Variants in MPHOSPH9 observed in about 807,000 individuals in gnomAD.
The protein encoded by MPHOSPH9 is M-phase phosphoprotein 9.
Under a neutral mutation model 145.5 loss-of-function variants are expected in MPHOSPH9, and 88 were observed. The ratio of observed to expected loss-of-function variants is 0.60; its 90% CI spans 0.51 to 0.72. The LOEUF (loss-of-function observed/expected upper bound fraction) is 0.72, where lower values mean the gene tolerates loss of function less well. MPHOSPH9 is among the 30% of genes least tolerant of loss of function. MPHOSPH9 has a pLI of 0.00. For missense variants in MPHOSPH9, 1,238 were observed against 1,386.6 expected, an observed-to-expected ratio of 0.89 and a Z score of 1.70; for synonymous variants, 435 against 486.2, an observed-to-expected ratio of 0.89 and a Z score of 1.39.
intron 15 of MPHOSPH9, among the ~76,000 whole-genome samples, chr12:123,177,097 G>C (rs796283381): frequency 1.8e-4 from 28 of 152,220 alleles, no homozygotes; most frequent in African/African-American, 6.7e-4. Flanking sequence ...GGCTGAGGCA[G>C]GAGAATCACT....
At chr12:123,171,512 G>A (rs1183106659) in intron 16 of MPHOSPH9, among the ~76,000 whole-genome samples, 3 of 151,812 alleles carry the variant, frequency 2.0e-5, no homozygotes, top group Non-Finnish European at 4.4e-5. Flanking sequence ...ACTTTGGGAG[G>A]CTGAGGTGGG....
chr12:123,168,945 C>T (rs188483744), intron 16 of MPHOSPH9, among the ~76,000 whole-genome samples: 13 of 151,098 alleles, frequency 8.6e-5, no homozygotes, highest in Admixed American at 5.3e-4. Flanking sequence ...AGTGCAGTGG[C>T]GCGATCTCGG....
At chr12:123,173,546 C>G (rs1462372410) in intron 16 of MPHOSPH9, among the ~76,000 whole-genome samples, 2 of 152,114 alleles carry the variant, frequency 1.3e-5, no homozygotes, top group Non-Finnish European at 2.9e-5. Context: ...AACAGAAAGG[C>G]CTTGCTGGGT....
rs527336241 is a variant in MPHOSPH9 at position 123,183,377 on chromosome 12, G to A, written c.2242-2167C>T. On this transcript the variant is annotated intron_variant, in intron 13 of 23. Transcript: ENST00000606320. ...AGCCTGGCTAACATAGCGAAACCCC[G>A]TCTCTACTAAAAATACAAAAATTAG... Among the ~76,000 whole-genome samples, 19 of 151,602 alleles carry A rather than the reference G, an allele frequency of 1.3e-4. 1 individual carries two copies. The highest frequency in any genetic ancestry group is 4.4e-4 in the African/African-American group (18 of 41,352).
Position 123,243,335 on chromosome 12 carries a change from C to T in MPHOSPH9, c.-159+518G>A, listed in dbSNP as rs901879927. On this transcript the variant is annotated intron_variant, in intron 1 of 2. Transcript: ENST00000545406. Reference sequence around the variant, plus strand: ...CACGAGGTCAGGAAATCGAGAACAGCCTGGCTAACATGGCAAAACCCCGTC... The same window carrying T: ...CACGAGGTCAGGAAATCGAGAACAGTCTGGCTAACATGGCAAAACCCCGTC... Among the ~76,000 whole-genome samples, 99 of 151,902 alleles carry T rather than the reference C, an allele frequency of 6.5e-4. 1 individual carries two copies. The highest frequency in any genetic ancestry group is 2.3e-3 in the African/African-American group (97 of 41,416).
rs762511831 is a variant in MPHOSPH9, at chr12:123,230,414, GCTGT to G, written c.-54_-51del. 3 of 1,181,420 alleles carry G rather than the reference GCTGT, an allele frequency of 2.5e-6. No individual in the cohort carries two copies. In the South Asian group the frequency reaches 4.4e-5, roughly 17 times the overall value. The allele number at this position is 1,181,420 out of a possible 1,614,324, so 73.2% of individuals were successfully genotyped here. Reference sequence around the variant, plus strand: ...CTTATTGGAAAATAAAGGTTCTTGGGCTGTTTGAGAAAAATGAATCCGTGTCATC... The same window carrying G: ...CTTATTGGAAAATAAAGGTTCTTGGGTTGAGAAAAATGAATCCGTGTCATC... On this transcript the variant is annotated 5_prime_UTR_variant, in exon 2 of 24. An upstream open reading frame in the 5' UTR loses its in-frame stop. Coordinates refer to ENST00000606320, the MANE Select transcript of MPHOSPH9 (RefSeq NM_022782.4).
At chr12:123,178,955 T>C (rs1472107901) in intron 15 of MPHOSPH9, among the ~76,000 whole-genome samples, 1 of 152,200 alleles carries the variant, frequency 6.6e-6, no homozygotes, top group Non-Finnish European at 1.5e-5. Flanking sequence ...ATAATTTTGG[T>C]GTTAATGCTG....
intron 13 of MPHOSPH9, among the ~76,000 whole-genome samples, chr12:123,192,970 G>A (rs1183447160): frequency 6.7e-6 from 1 of 150,202 alleles, no homozygotes; most frequent in East Asian, 2.0e-4. Flanking sequence ...TACTCAGGAG[G>A]CTGAGGCAGG....
At chr12:123,164,958 G>C (rs1055014425) in intron 18 of MPHOSPH9, among the ~76,000 whole-genome samples, 1 of 137,188 alleles carries the variant, frequency 7.3e-6, no homozygotes, top group African/African-American at 2.8e-5. Flanking sequence ...GCAGTGAGCT[G>C]AGATTACGCA....
chr12:123,171,664 G>T (rs571056547), intron 16 of MPHOSPH9, among the ~76,000 whole-genome samples: 8 of 148,908 alleles, frequency 5.4e-5, no homozygotes, highest in Non-Finnish European at 1.0e-4. Flanking sequence ...CAGGAGAATC[G>T]CTTGAACATG....
intron 16 of MPHOSPH9, among the ~76,000 whole-genome samples, chr12:123,173,888 G>C (rs930606597): frequency 1.3e-5 from 2 of 152,210 alleles, no homozygotes; most frequent in Non-Finnish European, 2.9e-5. Context: ...CAAACCCAAA[G>C]AGAGGGCTGT....
chr12:123,193,250 AATAG>A (rs1486958873), intron 13 of MPHOSPH9, among the ~76,000 whole-genome samples: 2 of 151,546 alleles, frequency 1.3e-5, no homozygotes, highest in African/African-American at 4.8e-5. Flanking sequence ...GTATGTCTGA[AATAG>A]ATGGAAAAAA....
upstream of MPHOSPH9, among the ~76,000 whole-genome samples, chr12:123,238,018 C>T (rs1383308703): frequency 6.6e-6 from 1 of 151,886 alleles, no homozygotes; most frequent in Non-Finnish European, 1.5e-5. Context: ...GCTGCAGCCT[C>T]CCGAGTAGCC....
intron 8 of MPHOSPH9, among the ~76,000 whole-genome samples, chr12:123,207,470 G>C (rs769506396): frequency 2.0e-5 from 3 of 152,154 alleles, no homozygotes; most frequent in Non-Finnish European, 4.4e-5. Context: ...CCATCTGTCT[G>C]TCTGTATATG....
chr12:123,225,053 T>C (rs766549205), intron 3 of MPHOSPH9, among the ~76,000 whole-genome samples: 5 of 152,202 alleles, frequency 3.3e-5, no homozygotes, highest in Non-Finnish European at 5.9e-5. Flanking sequence ...TAGGATAGTA[T>C]ATTGATTTTT....
At chr12:123,199,820 G>T (rs1433478919) in intron 11 of MPHOSPH9, among the ~76,000 whole-genome samples, 1 of 150,720 alleles carries the variant, frequency 6.6e-6, no homozygotes, top group Non-Finnish European at 1.5e-5. Context: ...AAGAAAAAAA[G>T]ATTATCATTG....
At chr12:123,232,671 G>A (rs561252598) in intron 1 of MPHOSPH9, among the ~76,000 whole-genome samples, 2 of 152,196 alleles carry the variant, frequency 1.3e-5, no homozygotes, top group African/African-American at 2.4e-5. Context: ...GGGAAGGAGA[G>A]GGAGAATCTA....
At chr12:123,197,031 GTTTTTTTTTTT>G (rs56061451) in intron 12 of MPHOSPH9, among the ~76,000 whole-genome samples, 4 of 72,988 alleles carry the variant, frequency 5.5e-5, no homozygotes, top group Admixed American at 1.7e-4. Context: ...AGGGGTGTGG[GTTTTTTTTTTT>G]TTTTTTTTTT....
chr12:123,160,997 CA>C, intron 22 of MPHOSPH9, 138 bp downstream of exon 22: 1 of 1,345,192 alleles, frequency 7.4e-7, no homozygotes, highest in African/African-American at 1.5e-5. Context: ...CCACATGGCT[CA>C]AATCCGTTGC....
Sources: allele counts gnomAD v4.1 joint callset (sites outside exome capture counted in the v4.1 genomes callset), GRCh38; gene constraint gnomAD v4.1.1; transcripts MANE v1.5; gene names NCBI Gene and HGNC (gene_info 2026-07-23, HGNC 2026-07-21).